Variants in SLC8A1 observed in about 807,000 individuals in gnomAD.
SLC8A1 encodes the protein sodium/calcium exchanger 1.
In SLC8A1, 18 loss-of-function variants were observed where a neutral mutation model predicts 68.3. The observed-to-expected ratio is 0.26, with a 90% CI of 0.18 to 0.39. The LOEUF (loss-of-function observed/expected upper bound fraction) is 0.39, where lower values mean the gene tolerates loss of function less well. Ranked by LOEUF, SLC8A1 falls within the 10% of genes least tolerant of loss-of-function variation. The probability of loss-of-function intolerance (pLI) is 1.00; values close to 1 mark genes in which losing one functional copy is unlikely to be tolerated. For missense variants in SLC8A1, 985 were observed against 1,156.7 expected (o/e 0.85, Z 2.15); for synonymous variants, 475 against 415.5 (o/e 1.14, Z -1.74).
At chr2:40,202,444 A>G (rs2054564395) in intron 2 of SLC8A1, among the ~76,000 whole-genome samples, 1 of 151,956 alleles carries the variant, frequency 6.6e-6, no homozygotes, top group African/African-American at 2.4e-5. Flanking sequence ...TTATGTTTCT[A>G]CCTGATTGTT....
chr2:40,139,299 C>G, intron 7 of SLC8A1, 102 bp downstream of exon 10: 2 of 1,328,506 alleles, frequency 1.5e-6, no homozygotes, highest in Admixed American at 4.1e-5. Context: ...TTTCATAGGT[C>G]TTGGTTTGTT....
chr2:40,336,824 C>T (rs1666130339), intron 2 of SLC8A1, among the ~76,000 whole-genome samples: 1 of 152,048 alleles, frequency 6.6e-6, no homozygotes, highest in Non-Finnish European at 1.5e-5. Context: ...TCAGAGATGT[C>T]ACATGGAATC....
At chr2:40,153,247 A>G (rs1373375686) in intron 6 of SLC8A1, among the ~76,000 whole-genome samples, 1 of 152,168 alleles carries the variant, frequency 6.6e-6, no homozygotes, top group African/African-American at 2.4e-5. Flanking sequence ...GGTCTTTAAG[A>G]GACCCTTTAG....
At chr2:40,270,402 T>C (rs1284752596) in intron 2 of SLC8A1, among the ~76,000 whole-genome samples, 1 of 152,228 alleles carries the variant, frequency 6.6e-6, no homozygotes, top group Non-Finnish European at 1.5e-5. Context: ...CTTACTAGGC[T>C]AACATTGAGG....
At chr2:40,504,600 A>G (rs1415891548) in intron 1 of SLC8A1, among the ~76,000 whole-genome samples, 1 of 152,044 alleles carries the variant, frequency 6.6e-6, no homozygotes, top group Non-Finnish European at 1.5e-5. Flanking sequence ...AAGGAGCTCA[A>G]ACAACTCTAT....
chr2:40,335,457 G>A (rs1380985996), intron 2 of SLC8A1, among the ~76,000 whole-genome samples: 15 of 152,218 alleles, frequency 9.9e-5, no homozygotes, highest in Admixed American at 6.5e-4. Context: ...AATTTATATT[G>A]TGTTGTCAAG....
At chr2:40,170,459 G>C (rs1179634836) in intron 4 of SLC8A1, 110 bp from the exon 7 acceptor site, 1 of 887,574 alleles carries the variant, frequency 1.1e-6, no homozygotes, top group Non-Finnish European at 1.8e-6. Flanking sequence ...CACATCACAA[G>C]CAACGTTAGT....
chr2:40,209,261 G>A (rs1322787629), intron 2 of SLC8A1: 1 of 152,256 alleles, frequency 6.6e-6, no homozygotes, highest in Non-Finnish European at 1.5e-5. Flanking sequence ...AGAGTGTGAG[G>A]AAATGAGCAA....
intron 2 of SLC8A1, among the ~76,000 whole-genome samples, chr2:40,388,842 G>A (rs184922064): frequency 4.1e-4 from 63 of 152,012 alleles, no homozygotes; most frequent in African/African-American, 1.5e-3. Flanking sequence ...CCAAATAACG[G>A]GTGTGTTAGA....
At chr2:40,189,127 T>G (rs555101707) in intron 2 of SLC8A1, among the ~76,000 whole-genome samples, 1 of 152,112 alleles carries the variant, frequency 6.6e-6, no homozygotes, top group Admixed American at 6.6e-5. Flanking sequence ...TGGCTGTTGC[T>G]TTTCCTGATA....
At chr2:40,098,348 C>T (rs1440462618) in exon 8 of SLC8A1, 1 of 151,938 alleles carries the variant, frequency 6.6e-6, no homozygotes, top group East Asian at 1.9e-4. Flanking sequence ...TTTTTATTTA[C>T]AAAACATTTG....
chr2:40,454,400 G>A (rs1702867467), upstream of SLC8A1, among the ~76,000 whole-genome samples: 1 of 151,820 alleles, frequency 6.6e-6, no homozygotes, highest in South Asian at 2.1e-4. Flanking sequence ...GAAATTTTAG[G>A]CATGTTTGTG....
chr2:40,106,549 A>G (rs1230871356), exon 8 of SLC8A1: 1 of 152,200 alleles, frequency 6.6e-6, no homozygotes, highest in Non-Finnish European at 1.5e-5. Context: ...AGTCTCATAC[A>G]TATATTTATC....
At chr2:40,413,459 T>C (rs552211089) in intron 2 of SLC8A1, among the ~76,000 whole-genome samples, 136 of 152,326 alleles carry the variant, frequency 8.9e-4, no homozygotes, top group Non-Finnish European at 9.1e-4. Flanking sequence ...TGTAGGGACA[T>C]GGATGAAGCT....
chr2:40,445,964 C>T (rs763074600), intron 1 of SLC8A1, among the ~76,000 whole-genome samples: 1 of 152,186 alleles, frequency 6.6e-6, no homozygotes, highest in African/African-American at 2.4e-5. Context: ...CTCATTCTCT[C>T]AACCTGCTAC....
At chr2:40,387,442 CA>C (rs989242441) in intron 2 of SLC8A1, among the ~76,000 whole-genome samples, 1 of 150,810 alleles carries the variant, frequency 6.6e-6, no homozygotes, top group Non-Finnish European at 1.5e-5. Context: ...TTTTTTTTTC[CA>C]TAATTTTTGC....
At chr2:40,328,386 C>T (rs926036622) in intron 2 of SLC8A1, among the ~76,000 whole-genome samples, 1 of 152,152 alleles carries the variant, frequency 6.6e-6, no homozygotes, top group Non-Finnish European at 1.5e-5. Flanking sequence ...TGCCTCTAAT[C>T]AGTCCTTAAC....
chr2:40,338,081 C>A (rs1026767205), intron 2 of SLC8A1, among the ~76,000 whole-genome samples: 3 of 151,188 alleles, frequency 2.0e-5, no homozygotes, highest in Non-Finnish European at 2.9e-5. Context: ...TTCTCTCTAT[C>A]TCTCTCTCTC....
At chr2:40,295,783 A>C (rs568361841) in intron 2 of SLC8A1, among the ~76,000 whole-genome samples, 1 of 152,226 alleles carries the variant, frequency 6.6e-6, no homozygotes, top group African/African-American at 2.4e-5. Flanking sequence ...ACTAACACCA[A>C]CTCTTGACTC....
Sources: allele counts gnomAD v4.1 joint callset (sites outside exome capture counted in the v4.1 genomes callset), GRCh38; gene constraint gnomAD v4.1.1; transcripts MANE v1.5; gene names NCBI Gene and HGNC (gene_info 2026-07-23, HGNC 2026-07-21).